MACROD2: variants seen among roughly 807,000 people sequenced by gnomAD.
MACROD2 encodes the protein mono-ADP ribosylhydrolase 2.
A neutral mutation model predicts 70.4 loss-of-function variants in MACROD2; 36 were observed. The ratio of observed to expected loss-of-function variants is 0.51; its 90% confidence interval spans 0.39 to 0.68. The LOEUF (loss-of-function observed/expected upper bound fraction) is 0.68. MACROD2 is among the 30% of genes least tolerant of loss of function. The pLI is 0.00. For missense variants in MACROD2, 496 were observed against 538.4 expected (o/e 0.92, Z 0.78); for synonymous variants, 172 against 178.8 (o/e 0.96, Z 0.30).
At chr20:15,986,685 CAT>C in intron 13 of MACROD2, 40 bp from the exon 14 acceptor site, 2 of 1,459,202 alleles carry the variant, frequency 1.4e-6, no homozygotes, top group Non-Finnish European at 1.9e-6. Context: ...TACGGTCATG[CAT>C]ATCACATTTC....
chr20:15,451,232 T>G (rs532575560), intron 7 of MACROD2, among the ~76,000 whole-genome samples: 3 of 151,626 alleles, frequency 2.0e-5, no homozygotes, highest in East Asian at 1.9e-4. Context: ...TCTCTTTGGG[T>G]TTTTTCAGTG....
At chr20:14,996,282 C>T (rs186447353) in intron 5 of MACROD2, among the ~76,000 whole-genome samples, 67 of 152,192 alleles carry the variant, frequency 4.4e-4, no homozygotes, top group Admixed American at 2.2e-3. Flanking sequence ...TGGGAACTTC[C>T]GGAGGTCAGC....
chr20:15,603,041 A>T (rs1215602783), intron 8 of MACROD2, among the ~76,000 whole-genome samples: 2 of 152,118 alleles, frequency 1.3e-5, no homozygotes, highest in African/African-American at 2.4e-5. Context: ...GGGAGGCTTT[A>T]TTTATATTGT....
chr20:14,712,003 C>T (rs1341126244), intron 5 of MACROD2, among the ~76,000 whole-genome samples: 1 of 152,016 alleles, frequency 6.6e-6, no homozygotes, highest in East Asian at 1.9e-4. Flanking sequence ...TTTAATGAAA[C>T]TAGAAAAGAA....
At chr20:14,695,067 C>T (rs566808641) in intron 5 of MACROD2, among the ~76,000 whole-genome samples, 1 of 152,210 alleles carries the variant, frequency 6.6e-6, no homozygotes, top group East Asian at 1.9e-4. Context: ...TTTCAATTCA[C>T]TCTGTATTAG....
chr20:14,846,791 A>C (rs10439588), intron 5 of MACROD2, among the ~76,000 whole-genome samples: 4,162 of 151,084 alleles, frequency 0.028, 198 homozygotes, highest in African/African-American at 0.094. Context: ...TGCTGGGATT[A>C]CAGGCGTGAG....
intron 10 of MACROD2, among the ~76,000 whole-genome samples, chr20:15,922,293 T>G (rs539679362): frequency 6.6e-6 from 1 of 152,314 alleles, no homozygotes; most frequent in Non-Finnish European, 1.5e-5. Flanking sequence ...ATATGTTGTT[T>G]TACATTTTTC....
In MACROD2 at chr20:14,357,402, G is replaced by A. The variant is rs147755023; in HGVS notation, c.272-136077G>A. Among the ~76,000 whole-genome samples, 912 of 152,210 alleles carry A rather than the reference G, an allele frequency of 6.0e-3. 8 individuals carry two copies. The highest frequency in any genetic ancestry group is 0.017 in the South Asian group (82 of 4,822). Reference sequence around the variant, plus strand: ...TGAAAACTTATTACTATAATGAAAAGTTTTAAATGAAAAGATAAACTTTTT... The same window carrying A: ...TGAAAACTTATTACTATAATGAAAAATTTTAAATGAAAAGATAAACTTTTT... On this transcript the variant is annotated intron_variant, in intron 3 of 17. Transcript: ENST00000684519.
intron 10 of MACROD2, among the ~76,000 whole-genome samples, chr20:15,908,769 T>C (rs1000639428): frequency 9.8e-5 from 15 of 152,358 alleles, no homozygotes; most frequent in African/African-American, 3.4e-4. Context: ...GCATTTTCAC[T>C]GGCATTGCAT....
At chr20:14,139,973 G>A (rs968730319) in intron 3 of MACROD2, among the ~76,000 whole-genome samples, 1 of 152,068 alleles carries the variant, frequency 6.6e-6, no homozygotes, top group Admixed American at 6.6e-5. Context: ...AAAAATTAAT[G>A]TATTAAGTGT....
rs992179419 is a variant in MACROD2, at chr20:15,400,092, G to A, written c.541-31313G>A. Among the ~76,000 whole-genome samples, 9 of 152,170 alleles carry A rather than the reference G, an allele frequency of 5.9e-5. No homozygotes were observed. In the East Asian group the frequency reaches 9.6e-4, roughly 16 times the overall value. The stretch of plus-strand genomic sequence containing the variant: ...AAGTCAGGAAGTTGAAAAGAAAGAC[G>A]GTTTTCCTTCACTTAGCTTTTCTGC... On this transcript the variant is annotated intron_variant, in intron 6 of 17. Coordinates refer to ENST00000684519, the MANE Select transcript of MACROD2 (RefSeq NM_001351661.2).
chr20:15,566,379 T>A (rs2048310785), intron 8 of MACROD2, among the ~76,000 whole-genome samples: 1 of 151,424 alleles, frequency 6.6e-6, no homozygotes, highest in Non-Finnish European at 1.5e-5. Context: ...GCGCCTGTAA[T>A]CCCAGCTACT....
intron 4 of MACROD2, among the ~76,000 whole-genome samples, chr20:14,550,733 G>C (rs984006828): frequency 2.7e-4 from 41 of 152,322 alleles, no homozygotes; most frequent in Non-Finnish European, 7.3e-5. Context: ...TACATCTATT[G>C]TTGCACATCA....
At chr20:14,767,278 G>T (rs181786203) in intron 5 of MACROD2, among the ~76,000 whole-genome samples, 1 of 152,112 alleles carries the variant, frequency 6.6e-6, no homozygotes, top group East Asian at 1.9e-4. Flanking sequence ...AGTTGCCATG[G>T]TCAACAGTTA....
intron 5 of MACROD2, among the ~76,000 whole-genome samples, chr20:14,757,256 T>C (rs1252137586): frequency 6.6e-6 from 1 of 152,142 alleles, no homozygotes; most frequent in Non-Finnish European, 1.5e-5. Context: ...AATACAGTTA[T>C]GACTTTAAAA....
chr20:14,555,609 A>G (rs1978973766), intron 4 of MACROD2, among the ~76,000 whole-genome samples: 1 of 152,046 alleles, frequency 6.6e-6, no homozygotes, highest in East Asian at 1.9e-4. Flanking sequence ...ACTCTAAATT[A>G]GGTTCATCCT....
intron 5 of MACROD2, among the ~76,000 whole-genome samples, chr20:15,083,079 A>G (rs2123139756): frequency 6.6e-6 from 1 of 152,298 alleles, no homozygotes; most frequent in South Asian, 2.1e-4. Flanking sequence ...TAAACATTTC[A>G]TTAATTTAAA....
At position 13,995,961 on chromosome 20, in the gene MACROD2, A is replaced by ACG. The variant is rs2052635328; in HGVS notation, c.46+156_46+157dup. 1.1e-6 allele frequency: 1 copy of ACG among 871,020 alleles called. No individual in the cohort carries two copies. The highest frequency in any genetic ancestry group is 1.8e-6 in the Non-Finnish European group (1 of 569,092). The allele number at this position is 871,020 out of a possible 1,614,324, so 54.0% of individuals were successfully genotyped here. ...CTCCCTCCGGTGTCCGTGTGTACAC[A>ACG]CGCGCACACTCGCGCGCACTCCGGC... On this transcript the variant is annotated intron_variant, in intron 1 of 17. Coordinates refer to ENST00000684519, the MANE Select transcript of MACROD2 (RefSeq NM_001351661.2). The surrounding 1 kb of genome is among the most constrained non-coding windows in gnomAD (Gnocchi z 4.3).
chr20:15,956,203 T>C (rs2065974518), intron 12 of MACROD2, among the ~76,000 whole-genome samples: 1 of 152,186 alleles, frequency 6.6e-6, no homozygotes, highest in East Asian at 1.9e-4. Context: ...TTACTTTTAG[T>C]CTTTAAGCTT....
Sources: gnomAD v4.1 joint callset for allele counts (sites outside exome capture counted in the v4.1 genomes callset) on GRCh38, gnomAD v4.1.1 for gene constraint, Gnocchi (gnomAD v3.1) non-coding constraint, MANE v1.5 for transcripts, NCBI Gene and HGNC (gene_info 2026-07-23, HGNC 2026-07-21) for gene names.